APPBP2: variants seen among roughly 807,000 people sequenced by gnomAD.
APPBP2 encodes the protein amyloid beta precursor protein binding protein 2.
Under a neutral mutation model 76.0 loss-of-function variants are expected in APPBP2, and 15 were observed. That is an observed-to-expected ratio of 0.20 (90% CI 0.13 to 0.30). The LOEUF (loss-of-function observed/expected upper bound fraction) is 0.30, where lower values mean the gene tolerates loss of function less well. APPBP2 is among the 10% of genes least tolerant of loss of function. The probability of loss-of-function intolerance (pLI) is 1.00; values close to 1 mark genes in which losing one functional copy is unlikely to be tolerated. For synonymous variants in APPBP2, 222 were observed against 242.2 expected, an observed-to-expected ratio of 0.92 and a Z score of 0.77; for missense variants, 401 against 687.2, an observed-to-expected ratio of 0.58 and a Z score of 4.66.
intron 4 of APPBP2, among the ~76,000 whole-genome samples, chr17:60,467,823 C>T (rs1199464400): frequency 6.6e-6 from 1 of 151,994 alleles, no homozygotes; most frequent in Non-Finnish European, 1.5e-5. Context: ...AACAGCAAAA[C>T]AGAAGGAATA....
At chr17:60,514,842 C>T (rs1567942153) in intron 1 of APPBP2, among the ~76,000 whole-genome samples, 1 of 152,058 alleles carries the variant, frequency 6.6e-6, no homozygotes, top group African/African-American at 2.4e-5. Context: ...CTCACTCTGT[C>T]GCCCAGGCTG....
intron 1 of APPBP2, among the ~76,000 whole-genome samples, chr17:60,521,010 A>G (rs946041157): frequency 6.6e-6 from 1 of 152,162 alleles, no homozygotes; most frequent in African/African-American, 2.4e-5. Context: ...AGCACCCTAT[A>G]ACCTCCAACT....
chr17:60,448,604 A>G (rs1422193361), intron 12 of APPBP2, among the ~76,000 whole-genome samples: 6 of 152,238 alleles, frequency 3.9e-5, no homozygotes, highest in African/African-American at 1.4e-4. Context: ...ACTCAATGGC[A>G]TATTATGTAG....
In APPBP2 at chr17:60,453,723, G is replaced by A. The variant is rs183875713; in HGVS notation, c.1338+579C>T. ...TCTGGCTAACTTTTTCTTTTTTGTA[G>A]AGATGGGATTTCCCTATATTGACCA... is the stretch of plus-strand genomic sequence containing the variant. On this transcript the variant is annotated intron_variant, in intron 11 of 12. Coordinates refer to ENST00000083182, the MANE Select transcript of APPBP2 (RefSeq NM_006380.5). 2.2e-4 allele frequency among the ~76,000 whole-genome samples: 34 copies of A among 151,724 alleles called. 1 individual carries two copies. The East Asian group carries it at 6.6e-3, about 29-fold the overall frequency.
chr17:60,507,394 A>G (rs910403372), intron 1 of APPBP2, among the ~76,000 whole-genome samples: 4 of 151,980 alleles, frequency 2.6e-5, no homozygotes, highest in African/African-American at 9.7e-5. Context: ...GCTAATTTTT[A>G]TACTTTTAGT....
At position 60,525,798 on chromosome 17, in the gene APPBP2, T is replaced by C. The variant is rs755576360; in HGVS notation, c.134A>G (p.Tyr45Cys). 2 of 1,612,052 alleles carry C rather than the reference T, an allele frequency of 1.2e-6. No individual in the cohort carries two copies. The highest frequency in any genetic ancestry group is 1.7e-6 in the Non-Finnish European group (2 of 1,179,710). ...LPENIQFDVY[Y>C]KLYQQGRLCQ... ...GAGGAGGCCCACGGCGCATACCTTGTAGTAAACATCAAACTGGATGTTCTC... is the reference window on the plus strand; with the variant it reads ...GAGGAGGCCCACGGCGCATACCTTGCAGTAAACATCAAACTGGATGTTCTC... Residue 45 changes from tyrosine to cysteine, a missense_variant, in exon 1 of 13, where the codon TAC becomes TGC. By Grantham distance (194) the Tyr-to-Cys change is radical. Coordinates refer to ENST00000083182, the MANE Select transcript of APPBP2 (RefSeq NM_006380.5).
At chr17:60,509,468 C>T (rs2090894427) in intron 1 of APPBP2, among the ~76,000 whole-genome samples, 1 of 151,888 alleles carries the variant, frequency 6.6e-6, no homozygotes, top group African/African-American at 2.4e-5. Flanking sequence ...TCATTTTCCT[C>T]AGGTGTTATA....
chr17:60,475,225 CA>C (rs1023532398), intron 4 of APPBP2, among the ~76,000 whole-genome samples: 25 of 150,812 alleles, frequency 1.7e-4, no homozygotes, highest in Non-Finnish European at 3.0e-5. Context: ...GACTCCATCT[CA>C]AAAAAAACAA....
chr17:60,512,773 T>C (rs1229245156), intron 1 of APPBP2, among the ~76,000 whole-genome samples: 1 of 50,880 alleles, frequency 2.0e-5, no homozygotes, highest in Non-Finnish European at 3.6e-5. Flanking sequence ...AGGCGGAGGT[T>C]GCAGTGAGCC....
Position 60,525,907 on chromosome 17 carries a change from T to C in APPBP2, c.25A>G (p.Ile9Val). 12 of 1,613,800 alleles carry C rather than the reference T, an allele frequency of 7.4e-6. No individual in the cohort carries two copies. The highest frequency in any genetic ancestry group is 1.0e-5 in the Non-Finnish European group (12 of 1,179,928). Residue 9 changes from isoleucine to valine, a missense_variant, in exon 1 of 13, where the codon ATC (isoleucine) becomes GTC (valine). Physicochemically the swap from Ile to Val is conservative, Grantham distance 29. Coordinates refer to ENST00000083182, the MANE Select transcript of APPBP2 (RefSeq NM_006380.5). Reference protein sequence around the residue: MAAVELEWIPETLYNTAIS... With the variant: MAAVELEWVPETLYNTAIS... ...GCGGTGTTATAGAGAGTCTCTGGGA[T>C]CCACTCTAGTTCCACGGCCGCCATC... is the stretch of plus-strand genomic sequence containing the variant.
chr17:60,503,332 G>A (rs916231428), intron 1 of APPBP2, among the ~76,000 whole-genome samples: 1 of 145,794 alleles, frequency 6.9e-6, no homozygotes, highest in East Asian at 1.9e-4. Flanking sequence ...TTAAATTGAC[G>A]GGAAAGGGTA....
At position 60,462,146 on chromosome 17, in the gene APPBP2, G is replaced by T. The variant is rs7219325; in HGVS notation, c.763-85C>A. The T allele has an allele frequency of 0.02, 20,474 of 1,036,402 alleles. 2,620 individuals are homozygous for T. In the African/African-American group the frequency reaches 0.29, roughly 14 times the overall value. 64.2% of individuals were successfully genotyped at this position (1,036,402 alleles called of 1,614,324 possible). A position where few individuals can be genotyped will look rare whatever the true frequency, so the allele number is the denominator to read the frequency against. On this transcript the variant is annotated intron_variant, in intron 6 of 12. Transcript: ENST00000083182. ...TGTAGTTTATATATTCTGGCTATAA[G>T]AGTTAATAAGAAAAAAAACCCTCCA...
chr17:60,489,648 T>TA (rs1364772049), intron 3 of APPBP2, among the ~76,000 whole-genome samples: 1 of 149,930 alleles, frequency 6.7e-6, no homozygotes, highest in Non-Finnish European at 1.5e-5. Flanking sequence ...AAATGACTGT[T>TA]AAAAGTTGTT....
chr17:60,521,609 G>A (rs1201748644), intron 1 of APPBP2, among the ~76,000 whole-genome samples: 1 of 148,090 alleles, frequency 6.8e-6, no homozygotes, highest in Non-Finnish European at 1.5e-5. Flanking sequence ...GAAGAATGGG[G>A]TCTCGCTTTA....
intron 2 of APPBP2, among the ~76,000 whole-genome samples, chr17:60,500,167 C>G (rs113964216): frequency 1.3e-5 from 2 of 152,036 alleles, no homozygotes; most frequent in Non-Finnish European, 2.9e-5. Flanking sequence ...CCTACCACCA[C>G]GCCCAGCTAA....
intron 3 of APPBP2, among the ~76,000 whole-genome samples, chr17:60,489,631 A>AAAAAAG (rs2090709992): frequency 6.6e-6 from 1 of 151,018 alleles, no homozygotes; most frequent in African/African-American, 2.4e-5. Flanking sequence ...AAAAAAAAAA[A>AAAAAAG]GATTAAAAAT....
intron 1 of APPBP2, among the ~76,000 whole-genome samples, chr17:60,511,994 G>A (rs8069481): frequency 0.082 from 12,484 of 152,076 alleles, 1,695 homozygotes; most frequent in African/African-American, 0.28. Context: ...TTACATCTTT[G>A]AAACCCCAAA....
At chr17:60,509,536 C>T (rs2090895066) in intron 1 of APPBP2, among the ~76,000 whole-genome samples, 2 of 152,162 alleles carry the variant, frequency 1.3e-5, no homozygotes, top group East Asian at 1.9e-4. Flanking sequence ...GGTGTGGTGG[C>T]TCACGCCTGT....
chr17:60,483,705 T>C (rs1201088356), intron 3 of APPBP2, among the ~76,000 whole-genome samples: 1 of 152,218 alleles, frequency 6.6e-6, no homozygotes, highest in Non-Finnish European at 1.5e-5. Flanking sequence ...TGGTAGTTTC[T>C]TTTGCTGTGC....
Sources: gnomAD v4.1 joint callset for allele counts (sites outside exome capture counted in the v4.1 genomes callset) on GRCh38, gnomAD v4.1.1 for gene constraint, MANE v1.5 for transcripts, NCBI Gene and HGNC (gene_info 2026-07-23, HGNC 2026-07-21) for gene names.